Variants in WWP1 observed in about 807,000 individuals in gnomAD.
WWP1 encodes the protein WW domain containing E3 ubiquitin protein ligase 1, also known as NEDD4-like E3 ubiquitin-protein ligase WWP1.
WWP1 carries 49 observed loss-of-function variants against 130.6 expected under a neutral mutation model. The observed-to-expected ratio is 0.38, with a 90% CI of 0.30 to 0.48. The LOEUF is 0.48. Ranked by LOEUF, WWP1 falls within the 20% of genes least tolerant of loss-of-function variation. The pLI is 0.99. For synonymous variants in WWP1, 332 were observed against 367.8 expected, an observed-to-expected ratio of 0.90 and a Z score of 1.11; for missense variants, 809 against 1,100.6, an observed-to-expected ratio of 0.74 and a Z score of 3.75.
intron 1 of WWP1, among the ~76,000 whole-genome samples, chr8:86,365,412 A>G (rs943764420): frequency 6.6e-6 from 1 of 152,190 alleles, no homozygotes; most frequent in South Asian, 2.1e-4. Context: ...TAGGTTCCAC[A>G]TTTATTGGGT....
chr8:86,447,340 C>T (rs1053784522), intron 18 of WWP1, among the ~76,000 whole-genome samples: 2 of 152,212 alleles, frequency 1.3e-5, no homozygotes, highest in Non-Finnish European at 2.9e-5. Context: ...GATCTTGGCT[C>T]ACTGCAGCCT....
intron 11 of WWP1, among the ~76,000 whole-genome samples, chr8:86,429,238 T>C (rs1809802338): frequency 6.6e-6 from 1 of 152,204 alleles, no homozygotes; most frequent in Admixed American, 6.5e-5. Context: ...TAGCGAAGGA[T>C]GCCCTCACCA....
At position 86,370,842 on chromosome 8, in the gene WWP1, A is replaced by G. The variant is rs535455941; in HGVS notation, c.-22+1811A>G. 1.1e-4 allele frequency among the ~76,000 whole-genome samples: 14 copies of G among 126,570 alleles called. No homozygotes were observed. In the South Asian group the frequency reaches 2.0e-3, roughly 18 times the overall value. The allele number at this position is 126,570 out of a possible 152,430, so 83.0% of individuals were successfully genotyped here. ...TAGATATATTCATGGTATTGCTTAT[A>G]GCTATATTCATTCTTTTTTTTTTTT... On this transcript the variant is annotated intron_variant, in intron 2 of 24. Transcript: ENST00000517970.
intron 24 of WWP1, among the ~76,000 whole-genome samples, chr8:86,462,327 C>T (rs76203789): frequency 0.017 from 2,525 of 152,078 alleles, 43 homozygotes; most frequent in Middle Eastern, 0.065. Flanking sequence ...TGTGGGAGTA[C>T]GCAGAGAAAG....
chr8:86,437,607 A>G (rs1810362966), intron 16 of WWP1, among the ~76,000 whole-genome samples: 1 of 152,168 alleles, frequency 6.6e-6, no homozygotes, highest in South Asian at 2.1e-4. Flanking sequence ...GAAAGAGTAT[A>G]GTTGACCCTT....
chr8:86,442,584 A>G, intron 17 of WWP1, 35 bp from the exon 18 acceptor site: 1 of 1,545,548 alleles, frequency 6.5e-7, no homozygotes, highest in Non-Finnish European at 8.8e-7. Context: ...TCACATATTA[A>G]TGCTAAAAAA....
chr8:86,450,341 G>T (rs1811108069), intron 20 of WWP1, among the ~76,000 whole-genome samples: 1 of 152,070 alleles, frequency 6.6e-6, no homozygotes, highest in Non-Finnish European at 1.5e-5. Context: ...TCTACAGTGT[G>T]CATTTATTAC....
chr8:86,447,468 G>T lies in WWP1; in HGVS notation c.1999-680G>T, dbSNP rs924960023. 1.1e-4 allele frequency among the ~76,000 whole-genome samples: 16 copies of T among 152,146 alleles called. No homozygotes were observed. The East Asian group carries it at 3.1e-3, about 29-fold the overall frequency. On this transcript the variant is annotated intron_variant, in intron 18 of 24. Transcript: ENST00000517970. ...TTTTTAGTAAGGACGGGGTTTCACT[G>T]TGTTAGCCAGGATGGTCTTGATCTT...
At chr8:86,375,631 C>T (rs1824598863) in intron 3 of WWP1, among the ~76,000 whole-genome samples, 1 of 152,056 alleles carries the variant, frequency 6.6e-6, no homozygotes, top group Non-Finnish European at 1.5e-5. Flanking sequence ...ATCATTGCGC[C>T]ATATCCTGTT....
At chr8:86,376,690 A>T (rs549785674) in intron 3 of WWP1, among the ~76,000 whole-genome samples, 2 of 152,306 alleles carry the variant, frequency 1.3e-5, no homozygotes, top group South Asian at 4.1e-4. Context: ...TGGAAAATAG[A>T]TGTGGACCAA....
intron 1 of WWP1, among the ~76,000 whole-genome samples, chr8:86,352,220 TTTTATTTA>T (rs144926323): frequency 0.31 from 47,117 of 150,430 alleles, 8,936 homozygotes; most frequent in Middle Eastern, 0.44. Context: ...AATTTTTTAT[TTTTATTTA>T]TTTATTTATT....
At chr8:86,432,250 A>C (rs1810021110) in intron 14 of WWP1, among the ~76,000 whole-genome samples, 1 of 152,096 alleles carries the variant, frequency 6.6e-6, no homozygotes, top group African/African-American at 2.4e-5. Context: ...CTTCATTCTT[A>C]CTCTAAGGTG....
chr8:86,417,974 G>A (rs1479157457), intron 9 of WWP1, among the ~76,000 whole-genome samples: 2 of 152,184 alleles, frequency 1.3e-5, no homozygotes, highest in Admixed American at 6.5e-5. Context: ...GTTGAGTAAT[G>A]TCCGATAGTG....
intron 5 of WWP1, among the ~76,000 whole-genome samples, chr8:86,383,255 G>A (rs1045825655): frequency 6.6e-6 from 1 of 151,560 alleles, no homozygotes; most frequent in Non-Finnish European, 1.5e-5. Flanking sequence ...TAAGTATACA[G>A]TACCTTGCCT....
Position 86,402,537 on chromosome 8 carries a change from C to G in WWP1, c.724+334C>G, listed in dbSNP as rs779668252. Among the ~76,000 whole-genome samples the G allele has an allele frequency of 5.1e-4, 77 of 152,306 alleles. No individual in the cohort carries two copies. In the Middle Eastern group the frequency reaches 0.014, roughly 27 times the overall value. On this transcript the variant is annotated intron_variant, in intron 8 of 24. Coordinates refer to ENST00000517970, the MANE Select transcript of WWP1 (RefSeq NM_007013.4). Reference sequence around the variant, plus strand: ...GAACTCCTGACCTCAAGTGATCTGCCCACCTCAGCCTCCCTAAAGTGTTGG... The same window carrying G: ...GAACTCCTGACCTCAAGTGATCTGCGCACCTCAGCCTCCCTAAAGTGTTGG...
rs1050238200 is a variant in WWP1, at chr8:86,384,102, G to A, written c.334+2473G>A. Among the ~76,000 whole-genome samples the A allele has an allele frequency of 9.2e-5, 14 of 152,150 alleles. No homozygotes were observed. In the East Asian group the frequency reaches 1.7e-3, roughly 19 times the overall value. ...GTCTTCCCTCTGTATATGTGTCTGC[G>A]TCCAAATTTCCCCTTATCAGGACAC... On this transcript the variant is annotated intron_variant, in intron 5 of 24. Coordinates refer to ENST00000517970, the MANE Select transcript of WWP1 (RefSeq NM_007013.4).
At chr8:86,405,172 G>A (rs1397963275) in intron 8 of WWP1, 1 of 152,168 alleles carries the variant, frequency 6.6e-6, no homozygotes, top group East Asian at 1.9e-4. Flanking sequence ...GTTGGTATAA[G>A]ATGGCATTAC....
chr8:86,363,290 CTCAG>C, intron 1 of WWP1, among the ~76,000 whole-genome samples: 1 of 152,142 alleles, frequency 6.6e-6, no homozygotes, highest in South Asian at 2.1e-4. Context: ...ATTATGTTGA[CTCAG>C]TCAGACTGTT....
chr8:86,438,625 A>T lies in WWP1; in HGVS notation c.1790A>T (p.Tyr597Phe). 6.2e-7 allele frequency: 1 copy of T among 1,608,650 alleles called. No homozygotes were observed. The highest frequency in any genetic ancestry group is 1.1e-5 in the South Asian group (1 of 89,478). Residue 597 changes from tyrosine (Y) to phenylalanine (F), a missense_variant, in exon 17 of 25, where the codon TAT (tyrosine) becomes TTT (phenylalanine). By Grantham distance (22) the Tyr-to-Phe change is conservative. This residue lies in a region of WWP1 where 450 missense variants were observed against 674.2 expected (regional missense o/e 0.67). Coordinates refer to ENST00000517970, the MANE Select transcript of WWP1 (RefSeq NM_007013.4). ...LKPYDLRRRL[Y>F]VIFRGEEGLD... is the part of the protein sequence containing the mutation. ...CCCTATGACTTGAGGAGGCGCTTAT[A>T]TGTAATATTTAGAGGAGAAGAAGGA... is the stretch of plus-strand genomic sequence containing the variant.
Sources: allele counts gnomAD v4.1 joint callset (sites outside exome capture counted in the v4.1 genomes callset), GRCh38; gene constraint gnomAD v4.1.1; regional missense constraint gnomAD v4.1.1; transcripts MANE v1.5; gene names NCBI Gene and HGNC (gene_info 2026-07-23, HGNC 2026-07-21).